The following CLDN10 variants were observed in gnomAD, a reference collection of about 807,000 sequenced individuals.
CLDN10 encodes claudin-10.
In CLDN10, 15 loss-of-function variants were observed where a neutral mutation model predicts 22.9. That is an observed-to-expected ratio of 0.65 (90% confidence interval 0.44 to 1.01). CLDN10 has a LOEUF of 1.01. Among genes scored for constraint, CLDN10 ranks in the 50% least tolerant of loss-of-function variants. The pLI is 0.00. For synonymous variants in CLDN10, 114 were observed against 111.4 expected, an observed-to-expected ratio of 1.02 and a Z score of -0.15; for missense variants, 247 against 287.8, an observed-to-expected ratio of 0.86 and a Z score of 1.03.
intron 1 of CLDN10, among the ~76,000 whole-genome samples, chr13:95,456,893 T>C (rs2042487092): frequency 6.6e-6 from 1 of 152,162 alleles, no homozygotes; most frequent in South Asian, 2.1e-4. Flanking sequence ...CCAAGGGAGA[T>C]TTAAATTTGC....
chr13:95,503,296 G>A (rs775385644), intron 1 of CLDN10, among the ~76,000 whole-genome samples: 10 of 151,896 alleles, frequency 6.6e-5, no homozygotes, highest in Non-Finnish European at 1.5e-4. Context: ...AACATTAGAG[G>A]GTCAAACACT....
intron 1 of CLDN10, among the ~76,000 whole-genome samples, chr13:95,505,996 T>A (rs1398178353): frequency 1.3e-5 from 2 of 152,202 alleles, no homozygotes; most frequent in Non-Finnish European, 2.9e-5. Flanking sequence ...TGCCTCGACC[T>A]CCCAAAGTGC....
At chr13:95,539,716 T>A (rs974948005) in intron 1 of CLDN10, among the ~76,000 whole-genome samples, 7 of 152,218 alleles carry the variant, frequency 4.6e-5, no homozygotes, top group African/African-American at 1.7e-4. Context: ...CATATTCCTT[T>A]TTTTTAGAAA....
At chr13:95,535,835 A>C (rs1430912174) in intron 1 of CLDN10, among the ~76,000 whole-genome samples, 1 of 152,200 alleles carries the variant, frequency 6.6e-6, no homozygotes. Context: ...AGAGAAATCT[A>C]GGCAAGAATG....
At chr13:95,455,836 T>C (rs894709115) in intron 1 of CLDN10, among the ~76,000 whole-genome samples, 8 of 152,218 alleles carry the variant, frequency 5.3e-5, no homozygotes, top group African/African-American at 1.9e-4. Context: ...GAGTTACAAA[T>C]TAATCCAGTG....
intron 1 of CLDN10, among the ~76,000 whole-genome samples, chr13:95,441,657 G>A (rs1371994198): frequency 6.6e-6 from 1 of 152,212 alleles, no homozygotes; most frequent in Admixed American, 6.6e-5. Context: ...TGCTTGAAAT[G>A]CAGAATCTCA....
At chr13:95,435,618 T>C (rs1369770821) in intron 1 of CLDN10, among the ~76,000 whole-genome samples, 1 of 152,174 alleles carries the variant, frequency 6.6e-6, no homozygotes, top group Non-Finnish European at 1.5e-5. Context: ...ATTTCAACAC[T>C]GATCCTTCTA....
chr13:95,435,603 T>C (rs1473259186), intron 1 of CLDN10, among the ~76,000 whole-genome samples: 3 of 152,168 alleles, frequency 2.0e-5, no homozygotes, highest in African/African-American at 7.2e-5. Flanking sequence ...AAACTTATTT[T>C]GGGTATTTCA....
In CLDN10 at chr13:95,577,322, A is replaced by T; in HGVS notation, c.556A>T (p.Asn186Tyr). The change falls in exon 4 of 5, where the codon AAC (asparagine) becomes TAC (tyrosine). Residue 186 changes from asparagine (N) to tyrosine (Y), a missense_variant. Asn to Tyr is a moderately radical substitution (Grantham distance 143, BLOSUM62 -2). Transcript: ENST00000299339. ...GVIFCFSISD[N>Y]NKTPRYTYNG... is the part of the protein sequence containing the mutation. ...CATATTTTGCTTTTCAATATCTGAC[A>T]ACAACAAAACACCCAGGTATGAAAA... 1 of 1,610,532 alleles carries T rather than the reference A, an allele frequency of 6.2e-7. No individual in the cohort carries two copies. Among genetic ancestry groups the T allele is most frequent in the Non-Finnish European group, 8.5e-7 (1 of 1,176,728 alleles).
chr13:95,534,381 T>G (rs1190224454), intron 1 of CLDN10, among the ~76,000 whole-genome samples: 3 of 152,198 alleles, frequency 2.0e-5, no homozygotes, highest in Non-Finnish European at 4.4e-5. Flanking sequence ...GGAAAAATAT[T>G]TGTAGAATTA....
chr13:95,504,249 A>G (rs951171003), intron 1 of CLDN10, among the ~76,000 whole-genome samples: 1 of 152,254 alleles, frequency 6.6e-6, no homozygotes, highest in African/African-American at 2.4e-5. Flanking sequence ...ATGGACAGGA[A>G]AACAGGAATA....
In CLDN10 at chr13:95,560,417, A is replaced by G; in HGVS notation, c.418A>G (p.Asn140Asp). 1 of 1,614,094 alleles carries G rather than the reference A, an allele frequency of 6.2e-7. No homozygotes were observed. The highest frequency in any genetic ancestry group is 8.5e-7 in the Non-Finnish European group (1 of 1,179,952). Residue 140 changes from asparagine to aspartate, a missense_variant, in exon 3 of 5, where the codon AAC becomes GAC. Transcript: ENST00000299339. ...CSMTGCSLYANKITTEFFDPL... is the reference protein window; with the variant it reads ...CSMTGCSLYADKITTEFFDPL... ...AATGACTGGATGTTCCCTATATGCA[A>G]ACAAAATCACAACGGAATTCTTTGA... is the stretch of plus-strand genomic sequence containing the variant.
At chr13:95,542,099 G>C (rs1277729627) in intron 1 of CLDN10, among the ~76,000 whole-genome samples, 1 of 152,212 alleles carries the variant, frequency 6.6e-6, no homozygotes, top group Non-Finnish European at 1.5e-5. Flanking sequence ...AAGAGCAAGA[G>C]AGCGAGGTGG....
Position 95,578,275 on chromosome 13 carries a change from A to C in CLDN10, c.*261A>C. On this transcript the variant is annotated 3_prime_UTR_variant, in exon 5 of 5. Transcript: ENST00000299339. ...TTTTCTACATTTATATAGAACATGA[A>C]AAGCATTTAGTACCAAAGGTTCAAG... is the stretch of plus-strand genomic sequence containing the variant. 3.7e-6 allele frequency: 1 copy of C among 269,036 alleles called. No homozygotes were observed. The highest frequency in any genetic ancestry group is 7.0e-6 in the Non-Finnish European group (1 of 142,152). 16.7% of individuals were successfully genotyped at this position (269,036 alleles called of 1,614,324 possible).
At position 95,559,192 on chromosome 13, in the gene CLDN10, C is replaced by T. The variant is rs575641384; in HGVS notation, c.221-940C>T. Among the ~76,000 whole-genome samples the T allele has an allele frequency of 2.6e-5, 4 of 152,192 alleles. No homozygotes were observed. The East Asian group carries it at 5.8e-4, about 22-fold the overall frequency. ...ATGTGCTACTATCACTATTTTAGAT[C>T]GAAATATGGCATTGTTTCAGGCTGA... On this transcript the variant is annotated intron_variant, in intron 1 of 4. Transcript: ENST00000299339.
At chr13:95,522,715 TA>T (rs2043236023) in intron 1 of CLDN10, among the ~76,000 whole-genome samples, 1 of 152,088 alleles carries the variant, frequency 6.6e-6, no homozygotes, top group Non-Finnish European at 1.5e-5. Context: ...AATTTCACTT[TA>T]TTTTTTGAGG....
rs2043875898 is a variant in CLDN10 at position 95,572,435 on chromosome 13, TC to T, written c.465-4795del. ...AGACATGAAGGAACAAGTAATTTAA[TC>T]TCCCAGAGCCTTAGTTTCCTCATTT... On this transcript the variant is annotated intron_variant, in intron 3 of 4. Coordinates refer to ENST00000299339, the MANE Select transcript of CLDN10 (RefSeq NM_006984.5). 1.3e-5 allele frequency among the ~76,000 whole-genome samples: 2 copies of T among 152,148 alleles called. 1 individual carries two copies. The highest frequency in any genetic ancestry group is 4.1e-4 in the South Asian group (2 of 4,824).
At position 95,579,276 on chromosome 13, in the gene CLDN10, A is replaced by AG. The variant is rs1227030006; in HGVS notation, c.*1263dup. 6.6e-6 allele frequency: 1 copy of AG among 152,236 alleles called. No homozygotes were observed. The highest frequency in any genetic ancestry group is 1.5e-5 in the Non-Finnish European group (1 of 68,056). 9.4% of individuals were successfully genotyped at this position (152,236 alleles called of 1,614,324 possible). A position where few individuals can be genotyped will look rare whatever the true frequency, so the allele number is the denominator to read the frequency against. ...TAACTGAGAGACTTGTCATTTCTAA[A>AG]GACATTTAAGTTGCTCCAGGGATTT... On this transcript the variant is annotated 3_prime_UTR_variant, in exon 5 of 5. Transcript: ENST00000299339.
intron 1 of CLDN10, among the ~76,000 whole-genome samples, chr13:95,499,183 G>T (rs112975572): frequency 5.2e-4 from 79 of 152,298 alleles, no homozygotes; most frequent in African/African-American, 1.9e-3. Flanking sequence ...GTGTTTAAAA[G>T]AGTTTTATAA....
Sources: gnomAD v4.1 joint callset for allele counts (sites outside exome capture counted in the v4.1 genomes callset) on GRCh38, gnomAD v4.1.1 for gene constraint, MANE v1.5 for transcripts, NCBI Gene and HGNC (gene_info 2026-07-23, HGNC 2026-07-21) for gene names.